Variants in BSN observed in about 807,000 individuals in gnomAD.
The protein encoded by BSN is protein bassoon.
Under a neutral mutation model 264.8 loss-of-function variants are expected in BSN, and 57 were observed. That is an observed-to-expected ratio of 0.22 (90% CI 0.17 to 0.27). The LOEUF is 0.27. BSN is among the 10% of genes least tolerant of loss of function. BSN has a pLI of 1.00. For synonymous variants in BSN, 2,059 were observed against 2,137.3 expected, an observed-to-expected ratio of 0.96 and a Z score of 1.01; for missense variants, 4,615 against 5,232.5, an observed-to-expected ratio of 0.88 and a Z score of 3.64.
At chr3:49,582,957 A>ATTTATTTAT (rs2051906472) in intron 1 of BSN, among the ~76,000 whole-genome samples, 1 of 146,106 alleles carries the variant, frequency 6.8e-6, no homozygotes, top group Non-Finnish European at 1.5e-5. Flanking sequence ...TATTACATTT[A>ATTTATTTAT]TTTATTTATT....
intron 1 of BSN, among the ~76,000 whole-genome samples, chr3:49,592,556 A>G (rs1308851529): frequency 1.3e-5 from 2 of 150,584 alleles, no homozygotes; most frequent in Non-Finnish European, 1.5e-5. Flanking sequence ...GATGGAGACT[A>G]TCCTGGCTAA....
At chr3:49,630,815 A>G (rs1437626568) in intron 2 of BSN, among the ~76,000 whole-genome samples, 1 of 152,236 alleles carries the variant, frequency 6.6e-6, no homozygotes, top group Admixed American at 6.5e-5. Flanking sequence ...GAAGAAGTGG[A>G]AGAAGGCACA....
At chr3:49,634,140 G>A (rs1191493017) in intron 2 of BSN, among the ~76,000 whole-genome samples, 1 of 151,808 alleles carries the variant, frequency 6.6e-6, no homozygotes, top group Non-Finnish European at 1.5e-5. Context: ...CCCAGGAGGC[G>A]GAGGTTGCAG....
intron 1 of BSN, among the ~76,000 whole-genome samples, chr3:49,587,887 T>TTTTTCTTTTCTTTTC (rs58072178): frequency 0.22 from 26,241 of 121,402 alleles, 3,538 homozygotes; most frequent in East Asian, 0.39. Flanking sequence ...AAAGTTGGGG[T>TTTTTCTTTTCTTTTC]TTTTCTTTTC....
At chr3:49,578,124 A>G (rs1003327777) in intron 1 of BSN, among the ~76,000 whole-genome samples, 15 of 152,184 alleles carry the variant, frequency 9.9e-5, no homozygotes, top group Admixed American at 3.3e-4. Context: ...CATGCTTACA[A>G]TTTAGAAACG....
Position 49,606,324 on chromosome 3 carries a change from A to AT in BSN, c.225-18651_225-18650insT, listed in dbSNP as rs1559603744. 4.0e-4 allele frequency among the ~76,000 whole-genome samples: 47 copies of AT among 117,172 alleles called. 1 individual carries two copies. The highest frequency in any genetic ancestry group is 9.6e-4 in the African/African-American group (30 of 31,338). 76.9% of individuals were successfully genotyped at this position (117,172 alleles called of 152,430 possible). A position where few individuals can be genotyped will look rare whatever the true frequency, so the allele number is the denominator to read the frequency against. ...AAAAATATATATAATATATATTAAA[A>AT]ATATATATATATTTTTGGCATGACT... On this transcript the variant is annotated intron_variant, in intron 1 of 11. Transcript: ENST00000296452.
In BSN at chr3:49,625,256, T is replaced by C; in HGVS notation, c.506T>C (p.Leu169Pro). ...PQIAPLPSST[L>P]CPICKTSDLT... ...ATCGCCCCCCTTCCCAGCAGCACGC[T>C]GTGTCCCATATGCAAGACTTCGGAC... The change falls in exon 2 of 12, where the codon CTG becomes CCG. Residue 169 changes from leucine (L) to proline (P), a missense_variant. Around this residue, in one of 3 missense-constraint regions of BSN, gnomAD observed 1,197 missense variants for 1,348.0 expected, o/e 0.89. Coordinates refer to ENST00000296452, the MANE Select transcript of BSN (RefSeq NM_003458.4). The surrounding 1 kb of genome is among the most constrained non-coding windows in gnomAD (Gnocchi z 4.4). 6.2e-7 allele frequency: 1 copy of C among 1,603,590 alleles called. No individual in the cohort carries two copies. Among genetic ancestry groups the C allele is most frequent in the Non-Finnish European group, 8.5e-7 (1 of 1,175,016 alleles).
chr3:49,561,154 A>G (rs182904773), intron 1 of BSN, among the ~76,000 whole-genome samples: 1 of 152,344 alleles, frequency 6.6e-6, no homozygotes, highest in East Asian at 1.9e-4. Context: ...CCAGGATCAG[A>G]TCAAATCTTG....
intron 1 of BSN, among the ~76,000 whole-genome samples, chr3:49,558,919 TTTTG>T (rs2051693170): frequency 1.3e-5 from 2 of 152,122 alleles, no homozygotes; most frequent in Non-Finnish European, 2.9e-5. Context: ...AAATACTGTC[TTTTG>T]TTTGTTTGTT....
At chr3:49,664,755 C>G (rs776518835) in intron 9 of BSN, 44 bp from the exon 10 acceptor site, 1 of 1,610,990 alleles carries the variant, frequency 6.2e-7, no homozygotes, top group Non-Finnish European at 8.5e-7. Context: ...TGGGAGGGGT[C>G]TGGCCCAATT....
intron 1 of BSN, among the ~76,000 whole-genome samples, chr3:49,617,963 T>C (rs1172564992): frequency 6.6e-6 from 1 of 152,184 alleles, no homozygotes. Flanking sequence ...CATCATGGCA[T>C]GGGGCATTGT....
Position 49,661,267 on chromosome 3 carries a change from C to T in BSN, c.9422C>T (p.Pro3141Leu), listed in dbSNP as rs766095274. 1.9e-6 allele frequency: 3 copies of T among 1,613,800 alleles called. No individual in the cohort carries two copies. The highest frequency in any genetic ancestry group is 1.1e-5 in the South Asian group (1 of 91,086). The stretch of plus-strand genomic sequence containing the variant: ...CCAGTCCCCGCTGATAGCCGTGCCC[C>T]ACTGCAGAAGCCACGCCAGACATCG... ...LFPVPADSRA[P>L]LQKPRQTSLA... Residue 3141 changes from proline (P) to leucine (L), a missense_variant, in exon 6 of 12, where the codon CCA becomes CTA. Coordinates refer to ENST00000296452, the MANE Select transcript of BSN (RefSeq NM_003458.4).
chr3:49,568,072 A>G (rs1559593658), intron 1 of BSN, among the ~76,000 whole-genome samples: 5 of 152,210 alleles, frequency 3.3e-5, no homozygotes, highest in African/African-American at 1.2e-4. Flanking sequence ...ATTTAGTCTT[A>G]AGAGACATGC....
At chr3:49,591,473 A>G (rs2051976834) in intron 1 of BSN, among the ~76,000 whole-genome samples, 1 of 152,180 alleles carries the variant, frequency 6.6e-6, no homozygotes, top group Non-Finnish European at 1.5e-5. Flanking sequence ...TTCTGCCTAA[A>G]TAACTTTGTT....
downstream of BSN, chr3:49,671,693 A>G (rs2052765820): frequency 6.6e-6 from 1 of 152,256 alleles, no homozygotes; most frequent in Non-Finnish European, 1.5e-5. The surrounding 1 kb of genome is among the most constrained non-coding windows in gnomAD (Gnocchi z 4.1). Context: ...GGCTGAGTCC[A>G]CACCAAGCCA....
At position 49,577,096 on chromosome 3, in the gene BSN, A is replaced by T. The variant is rs558450594; in HGVS notation, c.224+22270A>T. The stretch of plus-strand genomic sequence containing the variant: ...GGAGTCATTCATTTATTCAACAAAT[A>T]TGTATTGAGCACCTGTTACATGCCA... On this transcript the variant is annotated intron_variant, in intron 1 of 11. Transcript: ENST00000296452. 2.0e-5 allele frequency among the ~76,000 whole-genome samples: 3 copies of T among 152,228 alleles called. No homozygotes were observed. In the South Asian group the frequency reaches 6.2e-4, roughly 32 times the overall value.
At chr3:49,591,242 C>CT (rs1231309523) in intron 1 of BSN, among the ~76,000 whole-genome samples, 4 of 152,148 alleles carry the variant, frequency 2.6e-5, no homozygotes, top group Non-Finnish European at 5.9e-5. Context: ...CCTTTGTGCT[C>CT]TTTTTGTCAA....
In BSN at chr3:49,625,253, C is replaced by A; in HGVS notation, c.503C>A (p.Thr168Lys). Residue 168 changes from threonine to lysine, a missense_variant, in exon 2 of 12, where the codon ACG becomes AAG. Physicochemically the swap from Thr to Lys is moderately conservative, Grantham distance 78. Around this residue, in one of 3 missense-constraint regions of BSN, gnomAD observed 1,197 missense variants for 1,348.0 expected, o/e 0.89. Transcript: ENST00000296452. This position sits in a 1 kb window ranked among gnomAD's most constrained non-coding sequence, Gnocchi z 4.4. ...VPQIAPLPSSTLCPICKTSDL... is the reference protein window; with the variant it reads ...VPQIAPLPSSKLCPICKTSDL... ...CAGATCGCCCCCCTTCCCAGCAGCA[C>A]GCTGTGTCCCATATGCAAGACTTCG... 1 of 1,603,032 alleles carries A rather than the reference C, an allele frequency of 6.2e-7. No individual in the cohort carries two copies. Among genetic ancestry groups the A allele is most frequent in the Non-Finnish European group, 8.5e-7 (1 of 1,174,744 alleles).
At chr3:49,664,230 A>G (rs753477974) in intron 8 of BSN, among the ~76,000 whole-genome samples, 193 bp from the exon 9 acceptor site, 57 of 145,604 alleles carry the variant, frequency 3.9e-4, no homozygotes, top group Middle Eastern at 6.6e-3. Context: ...CCCTTCCTCA[A>G]CCTCCTTTTT....
Sources: gnomAD v4.1 joint callset for allele counts (sites outside exome capture counted in the v4.1 genomes callset) on GRCh38, gnomAD v4.1.1 for gene constraint, gnomAD v4.1.1 regional missense constraint, Gnocchi (gnomAD v3.1) non-coding constraint, MANE v1.5 for transcripts, NCBI Gene and HGNC (gene_info 2026-07-23, HGNC 2026-07-21) for gene names.